CDH18: variants seen among roughly 807,000 people sequenced by gnomAD.
CDH18 encodes the protein cadherin 18.
In CDH18, 31 loss-of-function variants were observed where a neutral mutation model predicts 67.9. The observed-to-expected ratio is 0.46, with a 90% CI of 0.34 to 0.62. The LOEUF is 0.62. Ranked by LOEUF, CDH18 falls within the 20% of genes least tolerant of loss-of-function variation. The probability of loss-of-function intolerance (pLI) is 0.01; values close to 1 mark genes in which losing one functional copy is unlikely to be tolerated. For missense variants in CDH18, 890 were observed against 975.5 expected (o/e 0.91, Z 1.17); for synonymous variants, 362 against 347.2 (o/e 1.04, Z -0.48).
At chr5:20,317,612 C>G (rs1410549236) in intron 1 of CDH18, among the ~76,000 whole-genome samples, 1 of 151,990 alleles carries the variant, frequency 6.6e-6, no homozygotes, top group Non-Finnish European at 1.5e-5. Context: ...GAATAATAAG[C>G]CTAATATTAG....
intron 2 of CDH18, among the ~76,000 whole-genome samples, chr5:19,978,535 A>C (rs536151275): frequency 1.3e-5 from 2 of 152,176 alleles, no homozygotes; most frequent in Non-Finnish European, 2.9e-5. Context: ...AGTGCTTTAA[A>C]AAAACACTAA....
At chr5:19,903,974 A>G (rs187774849) in intron 2 of CDH18, among the ~76,000 whole-genome samples, 45 of 152,134 alleles carry the variant, frequency 3.0e-4, no homozygotes, top group African/African-American at 1.1e-3. Flanking sequence ...CTAACAGCGT[A>G]TACGAAATCA....
At chr5:19,970,647 T>C (rs1199770150) in intron 2 of CDH18, among the ~76,000 whole-genome samples, 2 of 151,746 alleles carry the variant, frequency 1.3e-5, no homozygotes. Flanking sequence ...AATGAAGAAA[T>C]ATTTAAATGC....
At chr5:19,552,967 G>C (rs1363039159) in intron 8 of CDH18, among the ~76,000 whole-genome samples, 1 of 152,052 alleles carries the variant, frequency 6.6e-6, no homozygotes, top group African/African-American at 2.4e-5. Context: ...AAAGTAAAAA[G>C]AAAATGCATT....
chr5:20,334,746 T>A (rs1373272385), intron 1 of CDH18, among the ~76,000 whole-genome samples: 65 of 131,088 alleles, frequency 5.0e-4, no homozygotes, highest in African/African-American at 7.1e-4. Flanking sequence ...TCTCTCTCTC[T>A]CTCTCATACA....
chr5:19,498,183 C>T (rs1742660621), intron 11 of CDH18, among the ~76,000 whole-genome samples: 1 of 152,124 alleles, frequency 6.6e-6, no homozygotes, highest in South Asian at 2.1e-4. Flanking sequence ...GTATCATTAT[C>T]CTTATTAATA....
chr5:20,259,938 T>C (rs1580607800), intron 1 of CDH18, among the ~76,000 whole-genome samples: 1 of 151,978 alleles, frequency 6.6e-6, no homozygotes, highest in Admixed American at 6.5e-5. Context: ...AAGAGATGCC[T>C]ACCAAAAATG....
In CDH18 at chr5:20,364,387, C is replaced by A. The variant is rs76833785; in HGVS notation, c.-579-108882G>T. Among the ~76,000 whole-genome samples the A allele has an allele frequency of 0.017, 2,606 of 152,130 alleles. 248 individuals carry two copies. In the East Asian group the frequency reaches 0.29, roughly 17 times the overall value. Reference sequence around the variant, plus strand: ...TTAAAAAATAGAATGAAGACATTATCTCAGGAGATATACTTTATATGTAGG... The same window carrying A: ...TTAAAAAATAGAATGAAGACATTATATCAGGAGATATACTTTATATGTAGG... On this transcript the variant is annotated intron_variant, in intron 1 of 14. Coordinates refer to the CDH18 transcript ENST00000507958.
chr5:19,778,640 G>A (rs1774691888), intron 3 of CDH18, among the ~76,000 whole-genome samples: 1 of 152,024 alleles, frequency 6.6e-6, no homozygotes, highest in South Asian at 2.1e-4. Context: ...CAAGACTCAG[G>A]AAACTGTCAC....
intron 1 of CDH18, among the ~76,000 whole-genome samples, chr5:20,277,748 A>C (rs1392110205): frequency 6.6e-6 from 1 of 152,136 alleles, no homozygotes; most frequent in Non-Finnish European, 1.5e-5. Context: ...ATTTTGAGGA[A>C]ACTCAATGAA....
At chr5:20,169,730 CA>C (rs1736551247) in intron 2 of CDH18, among the ~76,000 whole-genome samples, 1 of 152,058 alleles carries the variant, frequency 6.6e-6, no homozygotes, top group Non-Finnish European at 1.5e-5. Context: ...GTAACAGACT[CA>C]CTATGATGTT....
At chr5:19,636,411 A>G (rs574948288) in intron 5 of CDH18, among the ~76,000 whole-genome samples, 19 of 152,118 alleles carry the variant, frequency 1.2e-4, no homozygotes, top group African/African-American at 4.6e-4. Flanking sequence ...TACATGACAT[A>G]GTTTTATTCA....
At chr5:20,037,048 T>C (rs1264611442) in intron 2 of CDH18, among the ~76,000 whole-genome samples, 2 of 152,110 alleles carry the variant, frequency 1.3e-5, no homozygotes, top group Non-Finnish European at 2.9e-5. Context: ...AGCACACCGA[T>C]GGGTCTTGAC....
chr5:19,776,481 A>C (rs905851594), intron 3 of CDH18, among the ~76,000 whole-genome samples: 4 of 152,170 alleles, frequency 2.6e-5, no homozygotes, highest in African/African-American at 7.2e-5. Flanking sequence ...AGAGGATGGA[A>C]AGAAAGAGGG....
intron 11 of CDH18, among the ~76,000 whole-genome samples, chr5:19,498,484 A>G (rs1742707008): frequency 6.6e-6 from 1 of 152,182 alleles, no homozygotes; most frequent in Non-Finnish European, 1.5e-5. Flanking sequence ...AAGATGATTG[A>G]TACCACTGCA....
chr5:19,614,985 A>C (rs1167745590), intron 5 of CDH18, among the ~76,000 whole-genome samples: 1 of 152,084 alleles, frequency 6.6e-6, no homozygotes, highest in Middle Eastern at 3.2e-3. Flanking sequence ...GTCTCTACTA[A>C]AAATACAAAA....
intron 2 of CDH18, among the ~76,000 whole-genome samples, chr5:20,076,842 T>A (rs1743987815): frequency 6.6e-6 from 1 of 152,214 alleles, no homozygotes. Context: ...TATTTCATAA[T>A]TGTCACTTTA....
intron 2 of CDH18, among the ~76,000 whole-genome samples, chr5:20,254,577 C>A (rs1488142441): frequency 6.6e-6 from 1 of 152,096 alleles, no homozygotes; most frequent in Non-Finnish European, 1.5e-5. Context: ...GAGTACTAAG[C>A]ATGGAACTAA....
At chr5:19,858,995 A>G (rs1784585802) in intron 2 of CDH18, among the ~76,000 whole-genome samples, 1 of 152,170 alleles carries the variant, frequency 6.6e-6, no homozygotes, top group East Asian at 1.9e-4. Flanking sequence ...TGAGATATTA[A>G]TTATGTATAA....
Sources: gnomAD v4.1 joint callset for allele counts (sites outside exome capture counted in the v4.1 genomes callset) on GRCh38, gnomAD v4.1.1 for gene constraint, MANE v1.5 for transcripts, NCBI Gene and HGNC (gene_info 2026-07-23, HGNC 2026-07-21) for gene names.